Variants in LPP observed in about 807,000 individuals in gnomAD.
LPP encodes the protein lipoma-preferred partner.
LPP carries 38 observed loss-of-function variants against 60.4 expected under a neutral mutation model. The ratio of observed to expected loss-of-function variants is 0.63; its 90% CI spans 0.49 to 0.83. The LOEUF is 0.83. Ranked by LOEUF, LPP falls within the 40% of genes least tolerant of loss-of-function variation. The pLI is 0.00. For missense variants in LPP, 902 were observed against 783.6 expected, an observed-to-expected ratio of 1.15 and a Z score of -1.80; for synonymous variants, 328 against 290.8, an observed-to-expected ratio of 1.13 and a Z score of -1.30.
At chr3:188,820,271 T>TTG (rs144058834) in intron 9 of LPP, among the ~76,000 whole-genome samples, 2 of 151,660 alleles carry the variant, frequency 1.3e-5, no homozygotes, top group South Asian at 2.1e-4. Flanking sequence ...AAACTGGTGT[T>TTG]TGTGTGTGTG....
chr3:188,749,110 A>G (rs1002792455), intron 8 of LPP, among the ~76,000 whole-genome samples: 2 of 152,214 alleles, frequency 1.3e-5, no homozygotes, highest in African/African-American at 2.4e-5. Flanking sequence ...TACAGAAGCC[A>G]TGTTGTAGAC....
intron 4 of LPP, among the ~76,000 whole-genome samples, chr3:188,451,489 A>T (rs1796579614): frequency 3.3e-5 from 5 of 152,166 alleles, no homozygotes. Flanking sequence ...TTGTATGGCA[A>T]TTGCATTGTA....
intron 1 of LPP, among the ~76,000 whole-genome samples, chr3:188,188,829 C>A (rs905967847): frequency 3.3e-5 from 5 of 152,160 alleles, no homozygotes; most frequent in African/African-American, 1.2e-4. Context: ...AACATTTACT[C>A]TATGGTTATG....
At chr3:188,307,493 G>A (rs1220074869) in intron 2 of LPP, among the ~76,000 whole-genome samples, 1 of 152,126 alleles carries the variant, frequency 6.6e-6, no homozygotes, top group Admixed American at 6.5e-5. Context: ...CCTATCTCCT[G>A]TACTCTATTT....
At chr3:188,641,424 T>C (rs531733756) in intron 7 of LPP, among the ~76,000 whole-genome samples, 18 of 152,308 alleles carry the variant, frequency 1.2e-4, no homozygotes, top group African/African-American at 4.3e-4. Flanking sequence ...AGTATTTTTA[T>C]GTGATTTCAT....
chr3:188,263,044 A>G (rs925268315), intron 2 of LPP, among the ~76,000 whole-genome samples: 3 of 152,118 alleles, frequency 2.0e-5, no homozygotes, highest in Non-Finnish European at 4.4e-5. Context: ...TACATGTACA[A>G]TGCTGCCTCT....
intron 8 of LPP, among the ~76,000 whole-genome samples, chr3:188,733,583 T>G (rs1228629581): frequency 6.6e-6 from 1 of 152,216 alleles, no homozygotes; most frequent in Non-Finnish European, 1.5e-5. Flanking sequence ...TCCAAGATAA[T>G]TCAATTTTTG....
In LPP at chr3:188,377,873, G is replaced by T. The variant is rs141272570; in HGVS notation, c.-9-28239G>T. On this transcript the variant is annotated intron_variant, in intron 3 of 11. Coordinates refer to ENST00000617246, the MANE Select transcript of LPP (RefSeq NM_001375462.1). Reference sequence around the variant, plus strand: ...TGGTCTTTGATGATGGTGACATACAGGTGGGTTTTTGGTGTGGATGTCCTG... The same window carrying T: ...TGGTCTTTGATGATGGTGACATACATGTGGGTTTTTGGTGTGGATGTCCTG... Among the ~76,000 whole-genome samples, 570 of 152,214 alleles carry T rather than the reference G, an allele frequency of 3.7e-3. 3 individuals are homozygous for T. The highest frequency in any genetic ancestry group is 0.013 in the African/African-American group (542 of 41,534).
rs201327626 is a variant in LPP, at chr3:188,437,928, G to A, written c.193+31615G>A. ...ATTCCATTCTGCAGTAAGTGTGATA[G>A]CTTTGCCGAAGCACTTGGGGGCCAA... On this transcript the variant is annotated intron_variant, in intron 4 of 11. Transcript: ENST00000617246. Among the ~76,000 whole-genome samples the A allele has an allele frequency of 8.1e-4, 124 of 152,270 alleles. 1 individual carries two copies. Among genetic ancestry groups the A allele is most frequent in the Admixed American group, 6.6e-3 (101 of 15,292 alleles).
intron 2 of LPP, among the ~76,000 whole-genome samples, chr3:188,321,007 C>T (rs1002927729): frequency 6.6e-6 from 1 of 152,216 alleles, no homozygotes; most frequent in African/African-American, 2.4e-5. Flanking sequence ...TCCTCATCCT[C>T]ACATATAAGA....
rs369432654 is a variant in LPP, at chr3:188,840,011, A to G, written c.1411-26189A>G. ...ACATATATGATATAAAAATGCATCAATCCAGTTAATTTGGGGTAAATGGTA... is the reference window on the plus strand; with the variant it reads ...ACATATATGATATAAAAATGCATCAGTCCAGTTAATTTGGGGTAAATGGTA... On this transcript the variant is annotated intron_variant, in intron 9 of 11. Transcript: ENST00000617246. Among the ~76,000 whole-genome samples the G allele has an allele frequency of 3.3e-5, 5 of 152,280 alleles. No individual in the cohort carries two copies. The East Asian group carries it at 9.6e-4, about 29-fold the overall frequency.
intron 5 of LPP, among the ~76,000 whole-genome samples, chr3:188,519,928 G>A (rs1311945595): frequency 6.6e-6 from 1 of 152,200 alleles, no homozygotes; most frequent in Non-Finnish European, 1.5e-5. Flanking sequence ...CCTGTAGTTA[G>A]TGGGTTAGTG....
rs752555941 is a variant in LPP, at chr3:188,814,016, G to A, written c.1411-52184G>A. On this transcript the variant is annotated intron_variant, in intron 9 of 11. Transcript: ENST00000617246. ...GAACCGGGGAGACAGAGGTTGCAGT[G>A]AGCCGAGATTGTGCCACTGCCCTCC... Among the ~76,000 whole-genome samples the A allele has an allele frequency of 7.2e-5, 11 of 152,236 alleles. 1 individual carries two copies. The highest frequency in any genetic ancestry group is 6.2e-4 in the South Asian group (3 of 4,824).
chr3:188,837,057 T>C (rs1560275121), intron 9 of LPP, among the ~76,000 whole-genome samples: 1 of 152,188 alleles, frequency 6.6e-6, no homozygotes, highest in Non-Finnish European at 1.5e-5. Flanking sequence ...AGCATTACTC[T>C]GTTTTGTGAC....
intron 5 of LPP, among the ~76,000 whole-genome samples, chr3:188,509,703 C>CA (rs1814769158): frequency 1.1e-5 from 1 of 93,320 alleles, no homozygotes; most frequent in Non-Finnish European, 2.2e-5. Context: ...TCTCTCTTTT[C>CA]TTTTTTTTTT....
rs200156794 is a variant in LPP, at chr3:188,736,752, A to C, written c.1241-23361A>C. ...GATAGATAGATACATAGACATCTAT[A>C]GAGATATATGTTTCTATATAAATAT... On this transcript the variant is annotated intron_variant, in intron 8 of 11. Transcript: ENST00000617246. Among the ~76,000 whole-genome samples, 40 of 152,132 alleles carry C rather than the reference A, an allele frequency of 2.6e-4. No homozygotes were observed. In the East Asian group the frequency reaches 7.1e-3, roughly 27 times the overall value.
intron 3 of LPP, among the ~76,000 whole-genome samples, chr3:188,389,135 G>C (rs73050752): frequency 6.6e-6 from 1 of 151,750 alleles, no homozygotes; most frequent in Non-Finnish European, 1.5e-5. Flanking sequence ...ATGTGTGTGC[G>C]TATGTGTGTG....
At chr3:188,806,584 C>T (rs1187120726) in intron 9 of LPP, among the ~76,000 whole-genome samples, 1 of 151,820 alleles carries the variant, frequency 6.6e-6, no homozygotes, top group Admixed American at 6.6e-5. Flanking sequence ...TCACAATCAG[C>T]TTTTGTTACT....
chr3:188,317,381 G>A lies in LPP; in HGVS notation c.-66-24282G>A, dbSNP rs371316292. 6.4e-4 allele frequency among the ~76,000 whole-genome samples: 97 copies of A among 152,196 alleles called. 4 individuals carry two copies. The South Asian group carries it at 0.02, about 31-fold the overall frequency. ...GGGCACATAGTGTAATGGAAAGCAC[G>A]CTGGGCCAGGGAGATGTGGATTCAG... On this transcript the variant is annotated intron_variant, in intron 2 of 11. Transcript: ENST00000617246.
Sources: gnomAD v4.1 joint callset for allele counts (sites outside exome capture counted in the v4.1 genomes callset) on GRCh38, gnomAD v4.1.1 for gene constraint, MANE v1.5 for transcripts, NCBI Gene and HGNC (gene_info 2026-07-23, HGNC 2026-07-21) for gene names.